TANGO6: variants seen among roughly 807,000 people sequenced by gnomAD.
TANGO6 encodes the protein transport and Golgi organization protein 6 homolog.
Under a neutral mutation model 114.2 loss-of-function variants are expected in TANGO6, and 90 were observed. The observed-to-expected ratio is 0.79, with a 90% CI of 0.66 to 0.94. The LOEUF (loss-of-function observed/expected upper bound fraction) is 0.94. TANGO6 is among the 40% of genes least tolerant of loss of function. The pLI, the probability that TANGO6 is intolerant of heterozygous loss-of-function variation, is 0.00. For synonymous variants in TANGO6, 477 were observed against 509.8 expected, an observed-to-expected ratio of 0.94 and a Z score of 0.87; for missense variants, 1,274 against 1,315.3, an observed-to-expected ratio of 0.97 and a Z score of 0.49.
chr16:69,032,245 G>GTTCA (rs537812204), intron 16 of TANGO6, among the ~76,000 whole-genome samples: 2 of 151,950 alleles, frequency 1.3e-5, no homozygotes, highest in Non-Finnish European at 2.9e-5. Context: ...AACTTCATTC[G>GTTCA]TTCATTCATT....
At chr16:68,921,141 A>G (rs1434612723) in intron 12 of TANGO6, among the ~76,000 whole-genome samples, 1 of 148,450 alleles carries the variant, frequency 6.7e-6, no homozygotes, top group Non-Finnish European at 1.5e-5. Flanking sequence ...AAAAAAAAGA[A>G]CTATCAAGGA....
At chr16:68,877,407 G>T (rs1210171836) in intron 5 of TANGO6, among the ~76,000 whole-genome samples, 1 of 149,804 alleles carries the variant, frequency 6.7e-6, no homozygotes. Context: ...GGCGGAGGTT[G>T]CAGTGAGCCG....
At chr16:68,874,629 C>T (rs1245705936) in intron 4 of TANGO6, among the ~76,000 whole-genome samples, 2 of 152,100 alleles carry the variant, frequency 1.3e-5, no homozygotes, top group African/African-American at 4.8e-5. Context: ...TAGTTTTTCT[C>T]TGAATTTCCC....
At chr16:68,971,600 T>A (rs1489511275) in intron 14 of TANGO6, among the ~76,000 whole-genome samples, 1 of 151,112 alleles carries the variant, frequency 6.6e-6, no homozygotes, top group Non-Finnish European at 1.5e-5. Context: ...TAGCAAACAA[T>A]TCATTTACCC....
At chr16:69,003,639 T>C (rs1373403848) in intron 15 of TANGO6, among the ~76,000 whole-genome samples, 1 of 152,208 alleles carries the variant, frequency 6.6e-6, no homozygotes, top group African/African-American at 2.4e-5. Context: ...TAGACTGTTA[T>C]AAATTAATTT....
At position 68,907,582 on chromosome 16, in the gene TANGO6, A is replaced by G. The variant is rs775184349; in HGVS notation, c.1800+7A>G. The G allele has an allele frequency of 6.2e-7, 1 of 1,610,104 alleles. No homozygotes were observed. The stretch of plus-strand genomic sequence containing the variant: ...CTTCATCTTCTGTTTGAAAGTAAGA[A>G]CTACCTGTAGTTCCTGGTCAGTGTT... On this transcript the variant is annotated splice_region_variant and intron_variant, in intron 10 of 17. Coordinates refer to ENST00000261778, the MANE Select transcript of TANGO6 (RefSeq NM_024562.2).
At position 69,059,452 on chromosome 16, in the gene TANGO6, C is replaced by A. The variant is rs531385657; in HGVS notation, c.3108+19031C>A. Reference sequence around the variant, plus strand: ...AACTCCTGACCTTAGGTGTTCCGCCCGCCTCAGCCTCCCAAAGTTCTGGGA... The same window carrying A: ...AACTCCTGACCTTAGGTGTTCCGCCAGCCTCAGCCTCCCAAAGTTCTGGGA... On this transcript the variant is annotated intron_variant, in intron 17 of 17. Coordinates refer to ENST00000261778, the MANE Select transcript of TANGO6 (RefSeq NM_024562.2). Among the ~76,000 whole-genome samples, 3 of 151,952 alleles carry A rather than the reference C, an allele frequency of 2.0e-5. No homozygotes were observed. In the South Asian group the frequency reaches 6.3e-4, roughly 32 times the overall value.
rs1487144391 is a variant in TANGO6 at position 68,843,573 on chromosome 16, C to G, written c.-45C>G. On this transcript the variant is annotated 5_prime_UTR_variant, in exon 1 of 18. Coordinates refer to ENST00000261778, the MANE Select transcript of TANGO6 (RefSeq NM_024562.2). ...TTAACATGGCGGCGGCGGCGCCCTG[C>G]CGAGGCGCCTGAGCGGGTCGCGAGC... is the stretch of plus-strand genomic sequence containing the variant. 1 of 1,580,194 alleles carries G rather than the reference C, an allele frequency of 6.3e-7. No homozygotes were observed. The highest frequency in any genetic ancestry group is 8.7e-7 in the Non-Finnish European group (1 of 1,155,938).
At chr16:68,928,141 A>C (rs1205359494) in intron 13 of TANGO6, 58 bp downstream of exon 13, 1 of 1,475,566 alleles carries the variant, frequency 6.8e-7, no homozygotes, top group East Asian at 2.5e-5. Context: ...CATTCAACTC[A>C]AGTATTTTTG....
chr16:68,882,454 A>T (rs562429014), intron 7 of TANGO6, among the ~76,000 whole-genome samples: 1 of 151,534 alleles, frequency 6.6e-6, no homozygotes, highest in African/African-American at 2.4e-5. Flanking sequence ...CCGAGATCGC[A>T]CCACTGCACT....
chr16:69,044,871 A>C (rs1262938564), intron 17 of TANGO6, among the ~76,000 whole-genome samples: 1 of 152,116 alleles, frequency 6.6e-6, no homozygotes, highest in African/African-American at 2.4e-5. Context: ...AAAAATTTTA[A>C]AAGGCTGGGC....
intron 15 of TANGO6, among the ~76,000 whole-genome samples, chr16:69,000,330 GACTT>G (rs1038191346): frequency 1.3e-5 from 2 of 152,122 alleles, no homozygotes; most frequent in Non-Finnish European, 2.9e-5. Flanking sequence ...GTCAGAAAAA[GACTT>G]AATTTAGAAT....
At chr16:68,985,061 T>C (rs1162870856) in intron 15 of TANGO6, among the ~76,000 whole-genome samples, 6 of 151,978 alleles carry the variant, frequency 3.9e-5, no homozygotes, top group South Asian at 4.1e-4. Context: ...TAAATAGAAA[T>C]GGTGTGTCAC....
At chr16:68,881,582 G>C (rs1962463263) in intron 7 of TANGO6, among the ~76,000 whole-genome samples, 1 of 152,126 alleles carries the variant, frequency 6.6e-6, no homozygotes, top group Non-Finnish European at 1.5e-5. Context: ...AAAAGTGTAT[G>C]ATAATTGAAT....
intron 1 of TANGO6, chr16:68,846,659 C>T: frequency 6.6e-6 from 1 of 152,270 alleles, no homozygotes; most frequent in Non-Finnish European, 1.4e-5. Context: ...CTGTGCCTGG[C>T]TAATTTTCTT....
At chr16:68,963,488 T>C (rs140036868) in intron 14 of TANGO6, among the ~76,000 whole-genome samples, 1 of 152,330 alleles carries the variant, frequency 6.6e-6, no homozygotes, top group Non-Finnish European at 1.5e-5. Context: ...CTTTTTAAAG[T>C]AGTTTCTTCT....
chr16:69,073,072 A>G (rs985036870), intron 17 of TANGO6, among the ~76,000 whole-genome samples: 5 of 152,196 alleles, frequency 3.3e-5, no homozygotes, highest in African/African-American at 1.2e-4. Context: ...AAAAAAAAAA[A>G]AAGTGGAAGC....
chr16:69,058,630 C>T (rs752216350), intron 17 of TANGO6, among the ~76,000 whole-genome samples: 2 of 152,200 alleles, frequency 1.3e-5, no homozygotes, highest in Non-Finnish European at 2.9e-5. Context: ...TTAGGACAAA[C>T]CTGGGTTCCT....
At chr16:68,922,855 CA>C (rs1217864412) in intron 12 of TANGO6, among the ~76,000 whole-genome samples, 1 of 150,406 alleles carries the variant, frequency 6.6e-6, no homozygotes, top group East Asian at 1.9e-4. Context: ...GGTGGGGGCC[CA>C]TTATTGGGAG....
Sources: allele counts gnomAD v4.1 joint callset (sites outside exome capture counted in the v4.1 genomes callset), GRCh38; gene constraint gnomAD v4.1.1; transcripts MANE v1.5; gene names NCBI Gene and HGNC (gene_info 2026-07-23, HGNC 2026-07-21).